Variants in ANTXRL observed in about 807,000 individuals in gnomAD.
ANTXRL encodes the protein anthrax toxin receptor-like.
A neutral mutation model predicts 75.4 loss-of-function variants in ANTXRL; 63 were observed. That is an observed-to-expected ratio of 0.84 (90% CI 0.68 to 1.03). The LOEUF (loss-of-function observed/expected upper bound fraction) is 1.03, where lower values mean the gene tolerates loss of function less well. Ranked by LOEUF, ANTXRL falls within the 50% of genes least tolerant of loss-of-function variation. The pLI is 0.00. For synonymous variants in ANTXRL, 335 were observed against 291.3 expected (o/e 1.15, Z -1.53); for missense variants, 797 against 789.4 (o/e 1.01, Z -0.12).
intron 13 of ANTXRL, among the ~76,000 whole-genome samples, chr10:46,309,737 C>A (rs781905318): frequency 4.6e-5 from 7 of 152,116 alleles, no homozygotes; most frequent in Non-Finnish European, 8.8e-5. Flanking sequence ...TTCCCCTGGG[C>A]CCCATACTGG....
At chr10:46,286,845 T>C (rs1442812140), upstream of ANTXRL, among the ~76,000 whole-genome samples, 1 of 152,172 alleles carries the variant, frequency 6.6e-6, no homozygotes, top group Non-Finnish European at 1.5e-5. Context: ...CTAGTGGTTT[T>C]AAGGGACACT....
chr10:46,296,731 G>A (rs782779939), intron 5 of ANTXRL, among the ~76,000 whole-genome samples: 1 of 152,166 alleles, frequency 6.6e-6, no homozygotes, highest in East Asian at 1.9e-4. Context: ...AGGCGTTGAG[G>A]TGGCTGTGGG....
intron 9 of ANTXRL, 149 bp from the exon 10 acceptor site, chr10:46,302,573 A>G: frequency 1.6e-6 from 1 of 625,084 alleles, no homozygotes; most frequent in South Asian, 2.0e-5. Context: ...GACCTAGTGG[A>G]CACATAGATG....
At chr10:46,325,165 G>A (rs959072321) in intron 16 of ANTXRL, among the ~76,000 whole-genome samples, 6 of 152,040 alleles carry the variant, frequency 3.9e-5, no homozygotes, top group Non-Finnish European at 8.8e-5. Flanking sequence ...GAGAATCCCT[G>A]AGCCCTGTCT....
chr10:46,311,269 C>A (rs1838405245), intron 14 of ANTXRL, among the ~76,000 whole-genome samples: 1 of 152,080 alleles, frequency 6.6e-6, no homozygotes, highest in Non-Finnish European at 1.5e-5. Flanking sequence ...ACCCCCAGGG[C>A]AGGCCTCTTT....
chr10:46,289,668 G>T (rs1296733518), intron 1 of ANTXRL, among the ~76,000 whole-genome samples: 2 of 152,110 alleles, frequency 1.3e-5, no homozygotes, highest in Non-Finnish European at 2.9e-5. Flanking sequence ...GGTCAAGACT[G>T]CTGTGTGTCA....
Position 46,298,000 on chromosome 10 carries a change from A to T in ANTXRL, c.736-2A>T. 6.5e-7 allele frequency: 1 copy of T among 1,535,880 alleles called. No homozygotes were observed. ...TCCCGCCCCACCCCTCCTGTGTTCC[A>T]GCTCACGTCAAAGGTCTGTCTTGAT... On this transcript the variant is annotated splice_acceptor_variant, in intron 8 of 16. Transcript: ENST00000620264. LOFTEE classifies it high-confidence loss of function.
intron 16 of ANTXRL, among the ~76,000 whole-genome samples, chr10:46,326,424 G>C (rs1554966506): frequency 6.6e-6 from 1 of 152,120 alleles, no homozygotes. Context: ...GCCAGGAGGA[G>C]GGGCCAACTC....
chr10:46,309,021 G>C (rs11596494), intron 12 of ANTXRL, 92 bp from the exon 13 acceptor site: 175,067 of 1,511,534 alleles, frequency 0.12, 9,725 homozygotes, highest in Admixed American at 0.19. Context: ...GGCCAGCTAG[G>C]GAGAGTGAGG....
chr10:46,294,426 G>C (rs1383437120), intron 3 of ANTXRL, among the ~76,000 whole-genome samples: 2 of 152,264 alleles, frequency 1.3e-5, no homozygotes, highest in Admixed American at 6.5e-5. Flanking sequence ...AAAGTGGAGG[G>C]AGGCAGGAGG....
At chr10:46,292,368 G>GTCC (rs1837029334) in intron 2 of ANTXRL, among the ~76,000 whole-genome samples, 7 of 152,072 alleles carry the variant, frequency 4.6e-5, no homozygotes, top group Non-Finnish European at 8.8e-5. Context: ...GAGGCAGTTT[G>GTCC]CCCTTGGGGA....
chr10:46,313,209 C>G (rs1554963932), intron 15 of ANTXRL, 27 bp from the exon 16 acceptor site: 1 of 1,532,794 alleles, frequency 6.5e-7, no homozygotes, highest in Non-Finnish European at 8.7e-7. Flanking sequence ...AGCTGCATGT[C>G]TTCCTCATGG....
At chr10:46,289,595 T>C (rs570605462) in intron 1 of ANTXRL, among the ~76,000 whole-genome samples, 3 of 151,672 alleles carry the variant, frequency 2.0e-5, no homozygotes, top group African/African-American at 7.3e-5. Flanking sequence ...GGCATGGTGA[T>C]GTGTGCCTCC....
chr10:46,291,943 G>C, intron 1 of ANTXRL, 115 bp from the exon 2 acceptor site: 1 of 916,286 alleles, frequency 1.1e-6, no homozygotes, highest in Non-Finnish European at 1.7e-6. Flanking sequence ...AGCCTCAGCT[G>C]TGCTGGGGTC....
intron 16 of ANTXRL, among the ~76,000 whole-genome samples, chr10:46,325,659 CAG>C (rs1451409047): frequency 6.6e-6 from 1 of 152,136 alleles, no homozygotes; most frequent in African/African-American, 2.4e-5. Context: ...ATTTCAGAAA[CAG>C]TGTTTCTAAG....
chr10:46,318,616 A>G (rs1838845052), intron 16 of ANTXRL, among the ~76,000 whole-genome samples: 1 of 152,164 alleles, frequency 6.6e-6, no homozygotes. Flanking sequence ...AATTAAAATA[A>G]TGAAAAACAA....
intron 3 of ANTXRL, 160 bp downstream of exon 3, chr10:46,294,060 C>T (rs548858657): frequency 6.3e-6 from 4 of 630,342 alleles, no homozygotes; most frequent in Non-Finnish European, 1.1e-5. Flanking sequence ...TTAGCCCCGG[C>T]TCCCCTGCAT....
intron 3 of ANTXRL, 106 bp downstream of exon 3, chr10:46,294,006 C>T: frequency 5.5e-6 from 6 of 1,092,304 alleles, no homozygotes; most frequent in Non-Finnish European, 7.8e-6. Context: ...CCTGACAGCA[C>T]ACAGGGCAGG....
Position 46,313,196 on chromosome 10 carries a change from C to G in ANTXRL, c.1330-40C>G, listed in dbSNP as rs1237711610. 26 of 1,516,794 alleles carry G rather than the reference C, an allele frequency of 1.7e-5. No homozygotes were observed. The East Asian group carries it at 3.2e-4, about 19-fold the overall frequency. 94.0% of individuals were successfully genotyped at this position (1,516,794 alleles called of 1,614,324 possible). A position where few individuals can be genotyped will look rare whatever the true frequency, so the allele number is the denominator to read the frequency against. On this transcript the variant is annotated intron_variant, in intron 15 of 16. Coordinates refer to ENST00000620264, the MANE Select transcript of ANTXRL (RefSeq NM_001278688.3). ...TCCTGATGCCTTCTGGAGGCAGTGT[C>G]CAAGCTGCATGTCTTCCTCATGGCC... is the stretch of plus-strand genomic sequence containing the variant.
Sources: allele counts gnomAD v4.1 joint callset (sites outside exome capture counted in the v4.1 genomes callset), GRCh38; gene constraint gnomAD v4.1.1; transcripts MANE v1.5; gene names NCBI Gene and HGNC (gene_info 2026-07-23, HGNC 2026-07-21).